The following CTNNA1 variants were observed in gnomAD, a reference collection of about 807,000 sequenced individuals.
The protein encoded by CTNNA1 is catenin alpha 1.
CTNNA1 carries 37 observed loss-of-function variants against 98.4 expected under a neutral mutation model. The observed-to-expected ratio is 0.38, with a 90% confidence interval of 0.29 to 0.49. The LOEUF (loss-of-function observed/expected upper bound fraction) is 0.49. CTNNA1 is among the 20% of genes least tolerant of loss of function. The pLI is 0.95. For missense variants in CTNNA1, 761 were observed against 1,147.2 expected (o/e 0.66, Z 4.86); for synonymous variants, 404 against 413.2 (o/e 0.98, Z 0.27).
At position 138,934,200 on chromosome 5, in the gene CTNNA1, A is replaced by G; in HGVS notation, c.*111A>G. 1 of 796,980 alleles carries G rather than the reference A, an allele frequency of 1.3e-6. No individual in the cohort carries two copies. Among genetic ancestry groups the G allele is most frequent in the East Asian group, 2.6e-5 (1 of 38,036 alleles). 49.4% of individuals were successfully genotyped at this position (796,980 alleles called of 1,614,324 possible). A position where few individuals can be genotyped will look rare whatever the true frequency, so the allele number is the denominator to read the frequency against. On this transcript the variant is annotated 3_prime_UTR_variant, in exon 18 of 18. Coordinates refer to ENST00000302763, the MANE Select transcript of CTNNA1 (RefSeq NM_001903.5). ...CACTGATACTAGATTCCACAGGGAA[A>G]TGGGCAGACTGAACCAGTCCAGGTG...
chr5:138,916,281 A>G (rs1388121006), intron 10 of CTNNA1, among the ~76,000 whole-genome samples: 2 of 151,996 alleles, frequency 1.3e-5, no homozygotes, highest in Non-Finnish European at 2.9e-5. Context: ...CTAAAACTGA[A>G]TGTGGTGAAT....
chr5:138,883,524 G>T (rs1753394063), intron 7 of CTNNA1, among the ~76,000 whole-genome samples: 2 of 152,172 alleles, frequency 1.3e-5, no homozygotes, highest in African/African-American at 4.8e-5. Context: ...ATTTTGCTGT[G>T]TGACTGTAAT....
At chr5:138,806,281 G>A (rs746206808) in intron 3 of CTNNA1, among the ~76,000 whole-genome samples, 4 of 150,486 alleles carry the variant, frequency 2.7e-5, no homozygotes, top group Non-Finnish European at 3.0e-5. Flanking sequence ...TGACAGTCTT[G>A]GTTCTCTTCA....
chr5:138,931,001 C>A, intron 16 of CTNNA1, 66 bp downstream of exon 16: 1 of 1,027,906 alleles, frequency 9.7e-7, no homozygotes, highest in Non-Finnish European at 1.5e-6. Flanking sequence ...CCAGCCTGGT[C>A]CATTCAGGGT....
At chr5:138,808,267 C>T (rs1215907550) in intron 3 of CTNNA1, among the ~76,000 whole-genome samples, 1 of 152,168 alleles carries the variant, frequency 6.6e-6, no homozygotes, top group Non-Finnish European at 1.5e-5. Flanking sequence ...TTGTCTCCCT[C>T]CTTCCCTCCA....
intron 1 of CTNNA1, chr5:138,755,273 T>A (rs1751501006): frequency 6.6e-6 from 1 of 152,156 alleles, no homozygotes; most frequent in African/African-American, 2.4e-5. Context: ...TAAGTTTTAC[T>A]TGGGTAAGTC....
chr5:138,869,349 A>G (rs1335606401), intron 7 of CTNNA1: 1 of 150,720 alleles, frequency 6.6e-6, no homozygotes, highest in East Asian at 1.9e-4. Flanking sequence ...TTAATTATCT[A>G]TAGATGGCCT....
chr5:138,769,470 C>T (rs1211403231), intron 1 of CTNNA1, among the ~76,000 whole-genome samples: 1 of 151,954 alleles, frequency 6.6e-6, no homozygotes, highest in Non-Finnish European at 1.5e-5. Context: ...CTCACTGCAA[C>T]CTCCGCCTCC....
chr5:138,755,662 C>T (rs1580826408), intron 1 of CTNNA1, among the ~76,000 whole-genome samples: 1 of 152,158 alleles, frequency 6.6e-6, no homozygotes, highest in South Asian at 2.1e-4. Context: ...GCTAAAAGTC[C>T]AAGCCTTTGA....
intron 7 of CTNNA1, among the ~76,000 whole-genome samples, chr5:138,867,441 C>T (rs1764892741): frequency 6.6e-6 from 1 of 152,230 alleles, no homozygotes; most frequent in African/African-American, 2.4e-5. Flanking sequence ...CCTAGCACTG[C>T]CCAGGTGTAG....
chr5:138,930,800 A>G, intron 15 of CTNNA1, 30 bp from the exon 16 acceptor site: 2 of 1,552,312 alleles, frequency 1.3e-6, no homozygotes, highest in Non-Finnish European at 1.8e-6. Context: ...CTTCACATAC[A>G]ATAATCCTTG....
At chr5:138,880,820 T>G (rs1345806180) in intron 7 of CTNNA1, 3 of 321,704 alleles carry the variant, frequency 9.3e-6, no homozygotes, top group Non-Finnish European at 1.9e-5. Flanking sequence ...GGGGTTAGTT[T>G]GCATGTTTGT....
intron 7 of CTNNA1, among the ~76,000 whole-genome samples, chr5:138,880,885 C>A (rs1269919713): frequency 6.6e-6 from 1 of 151,992 alleles, no homozygotes; most frequent in Non-Finnish European, 1.5e-5. Context: ...CATCTGAGAA[C>A]CCTCTTAATA....
chr5:138,774,222 G>T (rs892234625), intron 1 of CTNNA1, among the ~76,000 whole-genome samples: 39 of 151,716 alleles, frequency 2.6e-4, no homozygotes, highest in Non-Finnish European at 1.2e-4. Flanking sequence ...ATGAGGTCTC[G>T]CTATGTTGCC....
At chr5:138,866,310 A>ATTTATTTATTTAT (rs1561611097) in intron 7 of CTNNA1, among the ~76,000 whole-genome samples, 2 of 145,256 alleles carry the variant, frequency 1.4e-5, no homozygotes, top group African/African-American at 5.5e-5. Context: ...TTATTTATTT[A>ATTTATTTATTTAT]TTTATTTATT....
At chr5:138,914,294 C>T (rs1254422577) in intron 10 of CTNNA1, among the ~76,000 whole-genome samples, 6 of 152,154 alleles carry the variant, frequency 3.9e-5, no homozygotes, top group Non-Finnish European at 1.5e-5. Flanking sequence ...GTGTATAGCT[C>T]CACTCTGATA....
At position 138,895,281 on chromosome 5, in the gene CTNNA1, T is replaced by C. The variant is rs188975995; in HGVS notation, c.1296+7639T>C. The stretch of plus-strand genomic sequence containing the variant: ...TGGGCTGAAGACTATACTTTAGAAA[T>C]GCAGAGCTCTACATTATGACTGATC... On this transcript the variant is annotated intron_variant, in intron 9 of 17. Transcript: ENST00000302763. Among the ~76,000 whole-genome samples the C allele has an allele frequency of 9.8e-5, 15 of 152,320 alleles. No individual in the cohort carries two copies. The East Asian group carries it at 1.3e-3, about 14-fold the overall frequency.
chr5:138,927,375 G>A (rs1173644505), intron 13 of CTNNA1, among the ~76,000 whole-genome samples: 1 of 152,122 alleles, frequency 6.6e-6, no homozygotes, highest in Middle Eastern at 3.2e-3. Context: ...CCGGTGACAT[G>A]GGGGCAGTGA....
At chr5:138,868,993 C>A (rs1237427193) in intron 7 of CTNNA1, 1 of 150,208 alleles carries the variant, frequency 6.7e-6, no homozygotes, top group African/African-American at 2.5e-5. Context: ...TACCCTCCCC[C>A]CTCCCAAAAC....
Sources: allele counts gnomAD v4.1 joint callset (sites outside exome capture counted in the v4.1 genomes callset), GRCh38; gene constraint gnomAD v4.1.1; transcripts MANE v1.5; gene names NCBI Gene and HGNC (gene_info 2026-07-23, HGNC 2026-07-21).